LRRC7: variants seen among roughly 807,000 people sequenced by gnomAD.
LRRC7 encodes leucine rich repeat containing 7, also known as leucine-rich repeat-containing protein 7.
Under a neutral mutation model 175.7 loss-of-function variants are expected in LRRC7, and 23 were observed. That is an observed-to-expected ratio of 0.13 (90% CI 0.09 to 0.19). The LOEUF (loss-of-function observed/expected upper bound fraction) is 0.19, where lower values mean the gene tolerates loss of function less well. LRRC7 is among the 10% of genes least tolerant of loss of function. The pLI is 1.00. For synonymous variants in LRRC7, 685 were observed against 680.9 expected, an observed-to-expected ratio of 1.01 and a Z score of -0.09; for missense variants, 1,354 against 1,904.7, an observed-to-expected ratio of 0.71 and a Z score of 5.38.
intron 1 of LRRC7, among the ~76,000 whole-genome samples, chr1:69,631,549 C>T (rs1385747152): frequency 2.6e-5 from 4 of 152,004 alleles, no homozygotes; most frequent in Non-Finnish European, 5.9e-5. Flanking sequence ...GGCCAGGGCC[C>T]CAGGGAGGCC....
At chr1:69,904,589 A>C (rs1370446816) in intron 7 of LRRC7, among the ~76,000 whole-genome samples, 1 of 152,202 alleles carries the variant, frequency 6.6e-6, no homozygotes, top group African/African-American at 2.4e-5. Context: ...ATAAAAAATT[A>C]TGCAAATATA....
At chr1:69,601,196 C>T (rs1040884445) in intron 1 of LRRC7, among the ~76,000 whole-genome samples, 3 of 152,110 alleles carry the variant, frequency 2.0e-5, no homozygotes, top group Admixed American at 2.0e-4. Context: ...AGTGTCATTG[C>T]TTCCAGGCCC....
rs1418971728 is a variant in LRRC7 at position 69,608,895 on chromosome 1, TATATAC to T, written c.2+40256_2+40261del. 8.0e-4 allele frequency among the ~76,000 whole-genome samples: 102 copies of T among 128,164 alleles called. 1 individual carries two copies. Among genetic ancestry groups the T allele is most frequent in the African/African-American group, 2.2e-3 (70 of 32,154 alleles). 84.1% of individuals were successfully genotyped at this position (128,164 alleles called of 152,430 possible). A position where few individuals can be genotyped will look rare whatever the true frequency, so the allele number is the denominator to read the frequency against. ...ATATATATATATATATATATATATA[TATATAC>T]ACACACACACACATATATATAAAAT... On this transcript the variant is annotated intron_variant, in intron 1 of 26. Coordinates refer to ENST00000651989, the MANE Select transcript of LRRC7 (RefSeq NM_001370785.2).
intron 2 of LRRC7, among the ~76,000 whole-genome samples, chr1:69,687,591 A>T (rs1661343397): frequency 6.6e-6 from 1 of 150,640 alleles, no homozygotes; most frequent in South Asian, 2.1e-4. Context: ...ATAGAGAAAT[A>T]TTTATGATGG....
intron 7 of LRRC7, among the ~76,000 whole-genome samples, chr1:69,865,383 C>CCAACACTAATA (rs752149799): frequency 2.7e-5 from 4 of 150,616 alleles, no homozygotes; most frequent in Non-Finnish European, 4.4e-5. Flanking sequence ...TTTTGAAGTG[C>CCAACACTAATA]CAACACTAAT....
intron 8 of LRRC7, among the ~76,000 whole-genome samples, chr1:69,942,952 A>G (rs982872417): frequency 6.6e-6 from 1 of 152,142 alleles, no homozygotes; most frequent in Non-Finnish European, 1.5e-5. Flanking sequence ...TTTGTAAACT[A>G]TCTTAAAGCA....
chr1:69,766,281 G>T (rs1342142794), intron 3 of LRRC7, among the ~76,000 whole-genome samples: 1 of 152,040 alleles, frequency 6.6e-6, no homozygotes, highest in Admixed American at 6.6e-5. Flanking sequence ...TTTGATCTGG[G>T]TTTCTATAAC....
rs1332015742 is a variant in LRRC7, at chr1:70,139,073, A to G, written c.*17186A>G. 2 of 152,162 alleles carry G rather than the reference A, an allele frequency of 1.3e-5. No homozygotes were observed. The highest frequency in any genetic ancestry group is 2.9e-5 in the Non-Finnish European group (2 of 68,004). 9.4% of individuals were successfully genotyped at this position (152,162 alleles called of 1,614,324 possible). ...GCATCAGGTTATTCTAATGCTTCCT[A>G]CTGCAAAAACCAAGCCCACAAGTCT... On this transcript the variant is annotated 3_prime_UTR_variant, in exon 27 of 27. Transcript: ENST00000651989.
At chr1:69,626,384 TAAA>T (rs10546011) in intron 1 of LRRC7, among the ~76,000 whole-genome samples, 126 of 130,098 alleles carry the variant, frequency 9.7e-4, no homozygotes, top group East Asian at 3.3e-3. Flanking sequence ...ACTTAGAATC[TAAA>T]AAAAAAAAAA....
chr1:69,655,247 AC>A (rs1373163730), intron 1 of LRRC7, among the ~76,000 whole-genome samples: 2 of 141,330 alleles, frequency 1.4e-5, no homozygotes, highest in African/African-American at 5.4e-5. Flanking sequence ...TCAAGTAACC[AC>A]CCAAAACTGT....
At chr1:69,858,460 A>T (rs1421009814) in intron 7 of LRRC7, among the ~76,000 whole-genome samples, 1 of 151,494 alleles carries the variant, frequency 6.6e-6, no homozygotes, top group Non-Finnish European at 1.5e-5. Flanking sequence ...GTATAATAAT[A>T]AAAAAAAATC....
intron 2 of LRRC7, among the ~76,000 whole-genome samples, chr1:69,755,609 T>G (rs2100915888): frequency 6.6e-6 from 1 of 151,760 alleles, no homozygotes; most frequent in Non-Finnish European, 1.5e-5. Flanking sequence ...TTAGCAACAT[T>G]ATAACAAAGT....
intron 1 of LRRC7, among the ~76,000 whole-genome samples, chr1:69,593,415 G>A (rs1163844739): frequency 1.3e-5 from 2 of 152,036 alleles, no homozygotes; most frequent in Non-Finnish European, 2.9e-5. Context: ...ACAAATGGTT[G>A]AAGGGATATT....
Position 70,122,870 on chromosome 1 carries a change from A to G in LRRC7, c.*983A>G, listed in dbSNP as rs565644150. 6.6e-5 allele frequency: 10 copies of G among 152,652 alleles called. No individual in the cohort carries two copies. Among genetic ancestry groups the G allele is most frequent in the African/African-American group, 2.4e-4 (10 of 41,562 alleles). 9.5% of individuals were successfully genotyped at this position (152,652 alleles called of 1,614,324 possible). ...AAATTATTTAAAACGAATTTTGGAA[A>G]TTGATAAAATTTATCATTACGAAAG... is the stretch of plus-strand genomic sequence containing the variant. On this transcript the variant is annotated 3_prime_UTR_variant, in exon 27 of 27. Transcript: ENST00000651989.
At chr1:69,975,621 G>A (rs1249533415) in intron 8 of LRRC7, among the ~76,000 whole-genome samples, 1 of 151,970 alleles carries the variant, frequency 6.6e-6, no homozygotes, top group Non-Finnish European at 1.5e-5. Flanking sequence ...CTTCAATATG[G>A]ACCATTCTCC....
Position 70,115,972 on chromosome 1 carries a change from A to G in LRRC7, c.4621-5808A>G, listed in dbSNP as rs74085932. Reference sequence around the variant, plus strand: ...TGCAGTTATTCTTTTTGTGAAAAGTAAAAGGAATGTGGCTTGTTGGGAAAT... The same window carrying G: ...TGCAGTTATTCTTTTTGTGAAAAGTGAAAGGAATGTGGCTTGTTGGGAAAT... On this transcript the variant is annotated intron_variant, in intron 26 of 26. Coordinates refer to ENST00000651989, the MANE Select transcript of LRRC7 (RefSeq NM_001370785.2). Among the ~76,000 whole-genome samples, 1,517 of 152,350 alleles carry G rather than the reference A, an allele frequency of 1.0e-2. 20 individuals are homozygous for G. The highest frequency in any genetic ancestry group is 0.035 in the African/African-American group (1,440 of 41,572).
chr1:70,110,366 C>T (rs1040542873), intron 26 of LRRC7, among the ~76,000 whole-genome samples: 3 of 151,760 alleles, frequency 2.0e-5, no homozygotes, highest in East Asian at 1.9e-4. Flanking sequence ...AGTGACAGAG[C>T]GAGAATCTGT....
At chr1:70,049,749 T>A in intron 22 of LRRC7, among the ~76,000 whole-genome samples, 1 of 152,070 alleles carries the variant, frequency 6.6e-6, no homozygotes, top group Admixed American at 6.6e-5. Flanking sequence ...CTTGGCATAT[T>A]TTTACCTTTG....
At chr1:69,788,491 T>C (rs1228784019) in intron 3 of LRRC7, among the ~76,000 whole-genome samples, 2 of 152,220 alleles carry the variant, frequency 1.3e-5, no homozygotes, top group African/African-American at 2.4e-5. Flanking sequence ...AGATATTCAA[T>C]AAATATATTT....
Sources: gnomAD v4.1 joint callset for allele counts (sites outside exome capture counted in the v4.1 genomes callset) on GRCh38, gnomAD v4.1.1 for gene constraint, MANE v1.5 for transcripts, NCBI Gene and HGNC (gene_info 2026-07-23, HGNC 2026-07-21) for gene names.